Variants in LCOR observed in about 807,000 individuals in gnomAD.
LCOR encodes ligand dependent nuclear receptor corepressor, also known as ligand-dependent corepressor.
A neutral mutation model predicts 64.4 loss-of-function variants in LCOR; 14 were observed. The observed-to-expected ratio is 0.22, with a 90% CI of 0.14 to 0.34. The LOEUF (loss-of-function observed/expected upper bound fraction) is 0.34. Ranked by LOEUF, LCOR falls within the 10% of genes least tolerant of loss-of-function variation. The probability of loss-of-function intolerance (pLI) is 1.00; values close to 1 mark genes in which losing one functional copy is unlikely to be tolerated. For synonymous variants in LCOR, 643 were observed against 642.5 expected (o/e 1.00, Z -0.01); for missense variants, 1,686 against 1,765.3 (o/e 0.96, Z 0.80).
At chr10:96,853,971 C>T (rs766575530) in intron 2 of LCOR, among the ~76,000 whole-genome samples, 44 of 152,218 alleles carry the variant, frequency 2.9e-4, no homozygotes, top group Admixed American at 2.0e-3. Flanking sequence ...GGGAAGCTGC[C>T]TCCATGATTC....
intron 2 of LCOR, among the ~76,000 whole-genome samples, chr10:96,896,420 T>C (rs1846538289): frequency 6.6e-6 from 1 of 152,072 alleles, no homozygotes; most frequent in Non-Finnish European, 1.5e-5. Flanking sequence ...TTATTATTAT[T>C]ATTATTACCA....
chr10:96,959,588 G>A (rs1010978809), intron 7 of LCOR: 22 of 152,066 alleles, frequency 1.4e-4, no homozygotes, highest in African/African-American at 5.3e-4. Context: ...TGGTAATGTA[G>A]TATATTACTT....
chr10:96,880,860 T>G (rs1375218278), intron 2 of LCOR, among the ~76,000 whole-genome samples: 1 of 152,262 alleles, frequency 6.6e-6, no homozygotes, highest in Non-Finnish European at 1.5e-5. Flanking sequence ...GATATTTGTT[T>G]CTTATATTGA....
chr10:96,836,441 T>G (rs916336808), intron 2 of LCOR, among the ~76,000 whole-genome samples: 3 of 152,166 alleles, frequency 2.0e-5, no homozygotes, highest in Non-Finnish European at 4.4e-5. Flanking sequence ...TGATGCTGTT[T>G]TTAGGATGAA....
At position 96,981,570 on chromosome 10, in the gene LCOR, A is replaced by C; in HGVS notation, c.1110A>C (p.Leu370Phe). ...GAACTGCTGACAAAGAGAATACTTT[A>C]CAGTGTCCAAAAACACCTTTGCGCC... ...SSRTADKENT[L>F]QCPKTPLRQD... The change falls in exon 8 of 8, where the codon TTA becomes TTC. Residue 370 changes from leucine to phenylalanine, a missense_variant. By Grantham distance (22) the Leu-to-Phe change is conservative. Transcript: ENST00000421806. 2 of 1,614,258 alleles carry C rather than the reference A, an allele frequency of 1.2e-6. No individual in the cohort carries two copies.
At chr10:96,884,573 A>C (rs539943489) in intron 2 of LCOR, among the ~76,000 whole-genome samples, 13 of 152,218 alleles carry the variant, frequency 8.5e-5, no homozygotes, top group Non-Finnish European at 1.8e-4. Context: ...TTCAGTAAAC[A>C]TAAGAATCAC....
At chr10:96,923,621 A>G (rs1363583209) in intron 4 of LCOR, among the ~76,000 whole-genome samples, 1 of 152,208 alleles carries the variant, frequency 6.6e-6, no homozygotes, top group East Asian at 1.9e-4. Flanking sequence ...TACAAAAGAA[A>G]CTTTCGGAAA....
chr10:96,848,561 G>C (rs1845670460), intron 2 of LCOR, among the ~76,000 whole-genome samples: 1 of 152,130 alleles, frequency 6.6e-6, no homozygotes, highest in Non-Finnish European at 1.5e-5. Context: ...AGGAGGCTGA[G>C]GTGGGAGAAT....
chr10:96,936,691 G>A (rs1055729328), intron 4 of LCOR, among the ~76,000 whole-genome samples: 1 of 151,994 alleles, frequency 6.6e-6, no homozygotes, highest in Non-Finnish European at 1.5e-5. Context: ...ATAAATCTAT[G>A]ATGCAGATTG....
chr10:96,855,423 GTTTT>G (rs869041508), intron 2 of LCOR, among the ~76,000 whole-genome samples: 2 of 146,594 alleles, frequency 1.4e-5, no homozygotes, highest in African/African-American at 2.6e-5. Flanking sequence ...GTTTTTTTTT[GTTTT>G]TTGTTTGTTT....
At position 96,958,384 on chromosome 10, in the gene LCOR, A is replaced by G. The variant is rs1343340425; in HGVS notation, c.332+6188A>G. On this transcript the variant is annotated intron_variant, in intron 7 of 7. Coordinates refer to ENST00000421806, the MANE Select transcript of LCOR (RefSeq NM_001346516.2). ...TGTACATGGAGTGATCATTTTACTAACATAAATATTTTCTATGTGTGTTTC... is the reference window on the plus strand; with the variant it reads ...TGTACATGGAGTGATCATTTTACTAGCATAAATATTTTCTATGTGTGTTTC... 10 of 1,528,690 alleles carry G rather than the reference A, an allele frequency of 6.5e-6. No homozygotes were observed. The South Asian group carries it at 8.3e-5, about 13-fold the overall frequency. 94.7% of individuals were successfully genotyped at this position (1,528,690 alleles called of 1,614,324 possible).
chr10:96,845,262 G>T (rs1845607592), intron 2 of LCOR, among the ~76,000 whole-genome samples: 1 of 151,934 alleles, frequency 6.6e-6, no homozygotes. Flanking sequence ...AAATGTGAAG[G>T]TTCTTGCCTT....
chr10:96,886,107 G>A (rs1366135807), intron 2 of LCOR, among the ~76,000 whole-genome samples: 1 of 151,928 alleles, frequency 6.6e-6, no homozygotes, highest in Non-Finnish European at 1.5e-5. Flanking sequence ...CGAGCTCCTC[G>A]CTTCAAGTGA....
chr10:96,929,779 TGA>T lies in LCOR; in HGVS notation c.-183-14329_-183-14328del, dbSNP rs926626829. Among the ~76,000 whole-genome samples, 83 of 152,218 alleles carry T rather than the reference TGA, an allele frequency of 5.5e-4. 3 individuals are homozygous for T. Among genetic ancestry groups the T allele is most frequent in the Non-Finnish European group, 7.3e-5 (5 of 68,034 alleles). ...AAAAGCTCAAGCTTTTGATTTAAAG[TGA>T]GAGACATGCAACTCTTCCTTTCACT... On this transcript the variant is annotated intron_variant, in intron 4 of 7. Transcript: ENST00000421806.
At chr10:96,957,761 C>G in intron 7 of LCOR, 1 of 985,396 alleles carries the variant, frequency 1.0e-6, no homozygotes, top group Non-Finnish European at 1.2e-6. Flanking sequence ...CACACCATTG[C>G]TGTTACTAAA....
intron 2 of LCOR, among the ~76,000 whole-genome samples, chr10:96,862,887 T>C (rs1845910705): frequency 6.6e-6 from 1 of 151,930 alleles, no homozygotes. Context: ...TCTTTTCTTT[T>C]TTTTTTTTTT....
At chr10:96,910,553 G>A (rs906001570) in intron 4 of LCOR, among the ~76,000 whole-genome samples, 6 of 152,198 alleles carry the variant, frequency 3.9e-5, no homozygotes, top group African/African-American at 1.4e-4. Context: ...CATCTTGTCC[G>A]AGAAGGACTA....
intron 2 of LCOR, among the ~76,000 whole-genome samples, chr10:96,833,717 G>C (rs1845389742): frequency 6.6e-6 from 1 of 152,326 alleles, no homozygotes; most frequent in African/African-American, 2.4e-5. Flanking sequence ...GGTCTTTCCC[G>C]GCAGAATCTA....
intron 2 of LCOR, among the ~76,000 whole-genome samples, chr10:96,870,763 CCTT>C (rs1846059652): frequency 6.6e-6 from 1 of 152,152 alleles, no homozygotes; most frequent in Non-Finnish European, 1.5e-5. Context: ...CCCTCCTAGT[CCTT>C]CTTTAGTCAT....
Sources: gnomAD v4.1 joint callset for allele counts (sites outside exome capture counted in the v4.1 genomes callset) on GRCh38, gnomAD v4.1.1 for gene constraint, MANE v1.5 for transcripts, NCBI Gene and HGNC (gene_info 2026-07-23, HGNC 2026-07-21) for gene names.